ANKS1B: variants seen among roughly 807,000 people sequenced by gnomAD.
The protein encoded by ANKS1B is ankyrin repeat and sterile alpha motif domain-containing protein 1B.
ANKS1B carries 36 observed loss-of-function variants against 148.3 expected under a neutral mutation model. That is an observed-to-expected ratio of 0.24 (90% CI 0.19 to 0.32). ANKS1B has a LOEUF of 0.32. Ranked by LOEUF, ANKS1B falls within the 10% of genes least tolerant of loss-of-function variation. The probability of loss-of-function intolerance (pLI) is 1.00; values close to 1 mark genes in which losing one functional copy is unlikely to be tolerated. For synonymous variants in ANKS1B, 542 were observed against 560.8 expected, an observed-to-expected ratio of 0.97 and a Z score of 0.47; for missense variants, 1,157 against 1,542.6, an observed-to-expected ratio of 0.75 and a Z score of 4.19.
At chr12:98,813,850 T>A (rs2099117481) in intron 19 of ANKS1B, among the ~76,000 whole-genome samples, 1 of 151,506 alleles carries the variant, frequency 6.6e-6, no homozygotes, top group Non-Finnish European at 1.5e-5. Flanking sequence ...CCACCGCACC[T>A]GGCCAAATTA....
chr12:99,700,266 C>T (rs1242445380), intron 8 of ANKS1B, among the ~76,000 whole-genome samples: 1 of 152,114 alleles, frequency 6.6e-6, no homozygotes, highest in African/African-American at 2.4e-5. Flanking sequence ...GAACCAAAAG[C>T]CCTGATATTT....
intron 9 of ANKS1B, among the ~76,000 whole-genome samples, chr12:99,552,556 T>C (rs957730388): frequency 1.3e-5 from 2 of 152,252 alleles, no homozygotes; most frequent in South Asian, 2.1e-4. Flanking sequence ...TCCTGCCACA[T>C]TGCATTACTA....
At chr12:99,694,770 A>G (rs1299509396) in intron 8 of ANKS1B, among the ~76,000 whole-genome samples, 1 of 152,210 alleles carries the variant, frequency 6.6e-6, no homozygotes, top group Non-Finnish European at 1.5e-5. Context: ...TTTAGACCAT[A>G]AAAAGATCTT....
Position 99,703,939 on chromosome 12 carries a change from A to G in ANKS1B, c.1129-48729T>C, listed in dbSNP as rs2055301161. On this transcript the variant is annotated intron_variant, in intron 8 of 26. Transcript: ENST00000683438. ...TTTCTATGATCAGTCTCTGAATAAT[A>G]GCCAGTATATCTGGCATATTTGTTA... Among the ~76,000 whole-genome samples, 3 of 152,258 alleles carry G rather than the reference A, an allele frequency of 2.0e-5. No individual in the cohort carries two copies. In the South Asian group the frequency reaches 6.2e-4, roughly 31 times the overall value.
chr12:99,513,745 G>A (rs556159025), intron 9 of ANKS1B, among the ~76,000 whole-genome samples: 33 of 151,870 alleles, frequency 2.2e-4, no homozygotes, highest in African/African-American at 7.0e-4. Flanking sequence ...CCCAGCTACC[G>A]CATGCTAGTC....
Position 99,773,620 on chromosome 12 carries a change from G to T in ANKS1B, c.962-532C>A, listed in dbSNP as rs544519607. On this transcript the variant is annotated intron_variant, in intron 7 of 26. Coordinates refer to ENST00000683438, the MANE Select transcript of ANKS1B (RefSeq NM_001352186.2). ...ATATGCATCATCTGTCAAACATGAA[G>T]ATTTTGTAGATTACATGAAAATATG... Among the ~76,000 whole-genome samples, 27 of 152,112 alleles carry T rather than the reference G, an allele frequency of 1.8e-4. 1 individual carries two copies. Among genetic ancestry groups the T allele is most frequent in the African/African-American group, 6.5e-4 (27 of 41,536 alleles).
At chr12:98,977,134 G>A (rs1056673872) in intron 17 of ANKS1B, among the ~76,000 whole-genome samples, 1 of 152,198 alleles carries the variant, frequency 6.6e-6, no homozygotes, top group African/African-American at 2.4e-5. Context: ...TTCATAGTAT[G>A]TATTCACGGT....
intron 17 of ANKS1B, among the ~76,000 whole-genome samples, chr12:98,965,570 A>G (rs73382484): frequency 0.084 from 12,786 of 152,234 alleles, 1,412 homozygotes; most frequent in African/African-American, 0.25. Flanking sequence ...CAATGAAAAC[A>G]CTATTATTTA....
chr12:98,882,792 G>C (rs2099713041), intron 17 of ANKS1B, among the ~76,000 whole-genome samples: 1 of 151,678 alleles, frequency 6.6e-6, no homozygotes, highest in African/African-American at 2.4e-5. Flanking sequence ...TAGGTAAAGA[G>C]AATGATCATA....
chr12:99,524,849 T>G (rs2096911120), intron 9 of ANKS1B, among the ~76,000 whole-genome samples: 1 of 152,112 alleles, frequency 6.6e-6, no homozygotes, highest in Non-Finnish European at 1.5e-5. Flanking sequence ...CATAATTCAA[T>G]TATCTCCCAC....
intron 14 of ANKS1B, among the ~76,000 whole-genome samples, chr12:99,186,596 C>A (rs549665362): frequency 1.3e-5 from 2 of 152,196 alleles, no homozygotes; most frequent in South Asian, 4.1e-4. Flanking sequence ...CCCAGGCAAA[C>A]AGGGTCTGGA....
At chr12:99,103,800 C>T (rs2058550970) in intron 15 of ANKS1B, among the ~76,000 whole-genome samples, 1 of 152,154 alleles carries the variant, frequency 6.6e-6, no homozygotes, top group Admixed American at 6.5e-5. Flanking sequence ...AAATTGTAAG[C>T]TCCTGGAGGA....
At chr12:99,696,076 C>A (rs902583629) in intron 8 of ANKS1B, among the ~76,000 whole-genome samples, 2 of 151,866 alleles carry the variant, frequency 1.3e-5, no homozygotes, top group Non-Finnish European at 2.9e-5. Context: ...TGCACATGTA[C>A]CCCTTGAATC....
At chr12:99,745,924 A>G (rs950999303) in intron 8 of ANKS1B, among the ~76,000 whole-genome samples, 1 of 152,118 alleles carries the variant, frequency 6.6e-6, no homozygotes, top group Non-Finnish European at 1.5e-5. Context: ...TTTTCTAAAT[A>G]TTTAATGGTG....
chr12:99,588,293 C>A (rs182201295), intron 9 of ANKS1B, among the ~76,000 whole-genome samples: 1 of 152,100 alleles, frequency 6.6e-6, no homozygotes, highest in Admixed American at 6.5e-5. Context: ...CATCTGCATT[C>A]TACAGAGGGA....
At chr12:98,994,933 G>A (rs1428477273) in intron 17 of ANKS1B, among the ~76,000 whole-genome samples, 3 of 152,080 alleles carry the variant, frequency 2.0e-5, no homozygotes, top group Non-Finnish European at 4.4e-5. Flanking sequence ...ATTGTTGGAG[G>A]ATAAAATTCA....
intron 17 of ANKS1B, among the ~76,000 whole-genome samples, chr12:99,032,973 A>C (rs1172068265): frequency 6.6e-6 from 1 of 152,356 alleles, no homozygotes; most frequent in East Asian, 1.9e-4. Flanking sequence ...AAGAGTATTT[A>C]CTAGGCTTAG....
intron 10 of ANKS1B, among the ~76,000 whole-genome samples, chr12:99,461,828 T>C (rs1344891514): frequency 1.3e-5 from 2 of 152,240 alleles, no homozygotes; most frequent in Non-Finnish European, 2.9e-5. Flanking sequence ...CTAACCCATG[T>C]ATTTCATTAT....
intron 10 of ANKS1B, among the ~76,000 whole-genome samples, chr12:99,467,205 T>C (rs1418221341): frequency 6.6e-6 from 1 of 152,276 alleles, no homozygotes. Context: ...ATTATCTCAA[T>C]AGATGCAGAA....
Sources: allele counts gnomAD v4.1 joint callset (sites outside exome capture counted in the v4.1 genomes callset), GRCh38; gene constraint gnomAD v4.1.1; transcripts MANE v1.5; gene names NCBI Gene and HGNC (gene_info 2026-07-23, HGNC 2026-07-21).